Variants in TRHDE observed in about 807,000 individuals in gnomAD.
The protein encoded by TRHDE is thyrotropin releasing hormone degrading enzyme.
Under a neutral mutation model 125.7 loss-of-function variants are expected in TRHDE, and 72 were observed. The observed-to-expected ratio is 0.57, with a 90% CI of 0.47 to 0.70. The LOEUF (loss-of-function observed/expected upper bound fraction) is 0.70, where lower values mean the gene tolerates loss of function less well. Ranked by LOEUF, TRHDE falls within the 30% of genes least tolerant of loss-of-function variation. The pLI, the probability that TRHDE is intolerant of heterozygous loss-of-function variation, is 0.00. For synonymous variants in TRHDE, 509 were observed against 509.1 expected, an observed-to-expected ratio of 1.00 and a Z score of 0.00; for missense variants, 1,110 against 1,327.1, an observed-to-expected ratio of 0.84 and a Z score of 2.54.
intron 7 of TRHDE, 98 bp from the exon 8 acceptor site, chr12:72,562,067 A>G: frequency 3.5e-6 from 2 of 571,002 alleles, no homozygotes; most frequent in Admixed American, 3.2e-5. Flanking sequence ...TTTTATTAAT[A>G]TAATTCCAAC....
rs369990356 is a variant in TRHDE at position 72,585,512 on chromosome 12, C to T, written c.2321+9970C>T. Among the ~76,000 whole-genome samples the T allele has an allele frequency of 2.0e-4, 31 of 152,276 alleles. No homozygotes were observed. In the South Asian group the frequency reaches 5.6e-3, roughly 27 times the overall value. ...CACCATATTCATTGATCTTCTGAAC[C>T]GACCCCTTTCCTAGGCTGCGCCAAA... On this transcript the variant is annotated intron_variant, in intron 12 of 18. Coordinates refer to ENST00000261180, the MANE Select transcript of TRHDE (RefSeq NM_013381.3).
rs369079454 is a variant in TRHDE, at chr12:72,273,382, G to A, written c.739G>A (p.Ala247Thr). 1 of 1,614,080 alleles carries A rather than the reference G, an allele frequency of 6.2e-7. No homozygotes were observed. Among genetic ancestry groups the A allele is most frequent in the Non-Finnish European group, 8.5e-7 (1 of 1,180,050 alleles). ...VQLAEDRAFGAVPVAGFFLYP... is the reference protein window; with the variant it reads ...VQLAEDRAFGTVPVAGFFLYP... Reference sequence around the variant, plus strand: ...GCTGGCCGAGGACCGGGCGTTCGGGGCTGTCCCTGTAGCCGGTTTTTTCCT... The same window carrying A: ...GCTGGCCGAGGACCGGGCGTTCGGGACTGTCCCTGTAGCCGGTTTTTTCCT... The change falls in exon 1 of 19, where the codon GCT (alanine) becomes ACT (threonine). Residue 247 changes from alanine to threonine, a missense_variant. Coordinates refer to ENST00000261180, the MANE Select transcript of TRHDE (RefSeq NM_013381.3). The surrounding 1 kb of genome is among the most constrained non-coding windows in gnomAD (Gnocchi z 5.3).
At chr12:72,420,003 A>G (rs1873885405) in intron 3 of TRHDE, among the ~76,000 whole-genome samples, 1 of 152,202 alleles carries the variant, frequency 6.6e-6, no homozygotes, top group Admixed American at 6.5e-5. Context: ...TAGTCAACAA[A>G]TAAATAAAAA....
chr12:72,536,878 T>C (rs1868888316), intron 6 of TRHDE, among the ~76,000 whole-genome samples: 1 of 152,088 alleles, frequency 6.6e-6, no homozygotes, highest in Non-Finnish European at 1.5e-5. Context: ...GTTTTCCTTC[T>C]TCCTCTTCTG....
chr12:72,519,645 G>C (rs943749678), intron 6 of TRHDE, among the ~76,000 whole-genome samples: 2 of 152,208 alleles, frequency 1.3e-5, no homozygotes, highest in African/African-American at 2.4e-5. Flanking sequence ...CTCTCAGCTC[G>C]TCAAAGTCAT....
intron 2 of TRHDE, among the ~76,000 whole-genome samples, chr12:72,339,481 C>T (rs969743868): frequency 6.6e-6 from 1 of 152,020 alleles, no homozygotes; most frequent in Non-Finnish European, 1.5e-5. Context: ...TTTTGGGGGT[C>T]TCATTTGCCT....
chr12:72,115,351 G>A (rs528596785), intron 2 of TRHDE, among the ~76,000 whole-genome samples: 5 of 151,472 alleles, frequency 3.3e-5, no homozygotes, highest in South Asian at 2.1e-4. Flanking sequence ...CTCTAGTTCC[G>A]TCCATGTTGT....
In TRHDE at chr12:72,656,934, G is replaced by A. The variant is rs1874729742; in HGVS notation, c.2992G>A (p.Glu998Lys). 1.2e-6 allele frequency: 2 copies of A among 1,607,350 alleles called. No individual in the cohort carries two copies. Among genetic ancestry groups the A allele is most frequent in the Admixed American group, 3.4e-5 (2 of 59,666 alleles). ...KWKILNTRYG[E>K]ALFMNSKLIS... ...CTCTTTTTTTCTTTTGAGGTATGGA[G>A]AAGCATTGTTTATGAATTCCAAACT... Residue 998 changes from glutamate (E) to lysine (K), a missense_variant, in exon 18 of 19, where the codon GAA becomes AAA. This residue lies in a region of TRHDE where 527 missense variants were observed against 651.8 expected (regional missense o/e 0.81). Coordinates refer to ENST00000261180, the MANE Select transcript of TRHDE (RefSeq NM_013381.3).
rs546245605 is a variant in TRHDE at position 72,188,638 on chromosome 12, A to T, written n.279+82886A>T. 2.0e-5 allele frequency among the ~76,000 whole-genome samples: 3 copies of T among 152,344 alleles called. No individual in the cohort carries two copies. In the East Asian group the frequency reaches 5.8e-4, roughly 29 times the overall value. On this transcript the variant is annotated intron_variant and non_coding_transcript_variant, in intron 2 of 4. Transcript: ENST00000548156. ...ACAGAGGCAGCCTTAGCTCCTGCTGATGTTGCTGTGTGAAAATGTGGGCCT... is the reference window on the plus strand; with the variant it reads ...ACAGAGGCAGCCTTAGCTCCTGCTGTTGTTGCTGTGTGAAAATGTGGGCCT...
intron 2 of TRHDE, among the ~76,000 whole-genome samples, chr12:72,247,006 G>T (rs1427790698): frequency 6.6e-6 from 1 of 152,104 alleles, no homozygotes; most frequent in Non-Finnish European, 1.5e-5. Context: ...GCATGCTAAA[G>T]CTCAATTTAG....
At chr12:72,403,537 A>G (rs942440991) in intron 3 of TRHDE, among the ~76,000 whole-genome samples, 39 of 152,194 alleles carry the variant, frequency 2.6e-4, no homozygotes, top group African/African-American at 8.7e-4. Flanking sequence ...CAGAAAAATT[A>G]AAAGCTTGCC....
At chr12:72,458,775 A>T (rs1412173348) in intron 3 of TRHDE, among the ~76,000 whole-genome samples, 4 of 152,012 alleles carry the variant, frequency 2.6e-5, no homozygotes, top group Non-Finnish European at 5.9e-5. Flanking sequence ...CCTGAAATAC[A>T]CTTCCCCTCT....
At chr12:72,380,885 T>TCTTCCTTCCTTC (rs202006141) in intron 3 of TRHDE, among the ~76,000 whole-genome samples, 64 of 146,750 alleles carry the variant, frequency 4.4e-4, no homozygotes, top group Non-Finnish European at 2.4e-4. Context: ...CTTCTTTCTT[T>TCTTCCTTCCTTC]CTTCCTTCCT....
intron 10 of TRHDE, 56 bp downstream of exon 10, chr12:72,568,712 A>C (rs1870577781): frequency 7.3e-6 from 9 of 1,227,314 alleles, no homozygotes; most frequent in Non-Finnish European, 9.5e-6. Context: ...TTGTTTAGCA[A>C]CTTAACCTCT....
chr12:72,562,087 T>A (rs969143652), intron 7 of TRHDE, 78 bp from the exon 8 acceptor site: 15 of 623,972 alleles, frequency 2.4e-5, no homozygotes, highest in Non-Finnish European at 3.7e-5. Flanking sequence ...CAAATGAAAA[T>A]TATTAATTGA....
intron 12 of TRHDE, among the ~76,000 whole-genome samples, chr12:72,598,543 T>C (rs1226935179): frequency 6.6e-6 from 1 of 152,178 alleles, no homozygotes; most frequent in Non-Finnish European, 1.5e-5. Context: ...GTTAACAAGT[T>C]GGTTGTCCCT....
chr12:72,627,523 T>C (rs1407451083), intron 15 of TRHDE, among the ~76,000 whole-genome samples: 1 of 151,826 alleles, frequency 6.6e-6, no homozygotes, highest in African/African-American at 2.4e-5. Flanking sequence ...AAATCATCAT[T>C]ACTATTGACA....
At chr12:72,209,237 G>C (rs1877728257) in intron 2 of TRHDE, among the ~76,000 whole-genome samples, 1 of 152,134 alleles carries the variant, frequency 6.6e-6, no homozygotes, top group South Asian at 2.1e-4. Context: ...CTCAGTAACA[G>C]GTGGCTGCTC....
chr12:72,530,832 A>G (rs1868515852), intron 6 of TRHDE, among the ~76,000 whole-genome samples: 1 of 151,834 alleles, frequency 6.6e-6, no homozygotes, highest in Non-Finnish European at 1.5e-5. Flanking sequence ...ATTTATTTTC[A>G]AAGCAATAAT....
Sources: allele counts gnomAD v4.1 joint callset (sites outside exome capture counted in the v4.1 genomes callset), GRCh38; gene constraint gnomAD v4.1.1; regional missense constraint gnomAD v4.1.1; non-coding constraint Gnocchi (gnomAD v3.1); transcripts MANE v1.5; gene names NCBI Gene and HGNC (gene_info 2026-07-23, HGNC 2026-07-21).